PDE4D: variants seen among roughly 807,000 people sequenced by gnomAD.
PDE4D encodes 3',5'-cyclic-AMP phosphodiesterase 4D.
Under a neutral mutation model 87.4 loss-of-function variants are expected in PDE4D, and 24 were observed. That is an observed-to-expected ratio of 0.27 (90% CI 0.20 to 0.39). PDE4D has a LOEUF of 0.39. Among genes scored for constraint, PDE4D ranks in the 10% least tolerant of loss-of-function variants. The probability of loss-of-function intolerance (pLI) is 1.00; values close to 1 mark genes in which losing one functional copy is unlikely to be tolerated. For missense variants in PDE4D, 714 were observed against 1,041.0 expected (o/e 0.69, Z 4.32); for synonymous variants, 384 against 383.2 (o/e 1.00, Z -0.02).
intron 2 of PDE4D, among the ~76,000 whole-genome samples, chr5:60,073,967 A>T (rs1588265): frequency 3.3e-5 from 5 of 151,702 alleles, no homozygotes; most frequent in African/African-American, 1.2e-4. Context: ...TAATTTTTCA[A>T]AAACACAGCC....
At chr5:60,320,213 T>C (rs1449721342) in intron 1 of PDE4D, among the ~76,000 whole-genome samples, 1 of 152,214 alleles carries the variant, frequency 6.6e-6, no homozygotes, top group Non-Finnish European at 1.5e-5. Flanking sequence ...TGCTGCCGCC[T>C]TGCAGTTTGA....
chr5:60,287,374 G>C (rs993100390), intron 1 of PDE4D, among the ~76,000 whole-genome samples: 10 of 152,284 alleles, frequency 6.6e-5, no homozygotes, highest in African/African-American at 2.2e-4. Flanking sequence ...TGCTGTGTAG[G>C]AGAGGCGCCC....
Position 59,907,772 on chromosome 5 carries a change from G to A in PDE4D, c.272+80716C>T, listed in dbSNP as rs569092603. On this transcript the variant is annotated intron_variant, in intron 3 of 16. Coordinates refer to the PDE4D transcript ENST00000502484. ...CAGCCCTAGAGTGGACCAAGGAGAT[G>A]AGAGCTGGTCTGAATTCAAGGACCT... is the stretch of plus-strand genomic sequence containing the variant. Among the ~76,000 whole-genome samples, 17 of 152,298 alleles carry A rather than the reference G, an allele frequency of 1.1e-4. No homozygotes were observed. The East Asian group carries it at 2.9e-3, about 26-fold the overall frequency.
At chr5:59,008,027 TAC>T (rs1325755668) in intron 6 of PDE4D, among the ~76,000 whole-genome samples, 3 of 152,072 alleles carry the variant, frequency 2.0e-5, no homozygotes, top group African/African-American at 2.4e-5. Flanking sequence ...TAATTGTTGA[TAC>T]AGTTTGAATT....
chr5:60,410,395 C>T (rs551872474), intron 1 of PDE4D, among the ~76,000 whole-genome samples: 2 of 152,208 alleles, frequency 1.3e-5, no homozygotes, highest in Non-Finnish European at 2.9e-5. Flanking sequence ...AATCCTGGAA[C>T]ACAGAGATCT....
At chr5:59,497,883 C>T (rs188161491) in intron 1 of PDE4D, among the ~76,000 whole-genome samples, 1 of 151,982 alleles carries the variant, frequency 6.6e-6, no homozygotes, top group Admixed American at 6.5e-5. Context: ...TCAGACTATC[C>T]AAGGTCAACG....
intron 1 of PDE4D, among the ~76,000 whole-genome samples, chr5:60,193,548 T>C (rs1299297906): frequency 6.6e-6 from 1 of 150,720 alleles, no homozygotes; most frequent in African/African-American, 2.4e-5. Flanking sequence ...CGGGCGCCTG[T>C]AGTCCCAGCT....
chr5:59,940,361 G>A (rs1035438010), intron 3 of PDE4D, among the ~76,000 whole-genome samples: 1 of 152,138 alleles, frequency 6.6e-6, no homozygotes, highest in African/African-American at 2.4e-5. Flanking sequence ...TTAGGAGGGT[G>A]CTCCTAATTT....
chr5:59,759,555 C>T (rs10940647), intron 1 of PDE4D, among the ~76,000 whole-genome samples: 21,216 of 152,218 alleles, frequency 0.14, 1,952 homozygotes, highest in Middle Eastern at 0.29. Context: ...ACAAGCCAAT[C>T]GGCATGTTCT....
chr5:59,401,912 T>A (rs1366548420), intron 1 of PDE4D, among the ~76,000 whole-genome samples: 1 of 152,206 alleles, frequency 6.6e-6, no homozygotes, highest in Non-Finnish European at 1.5e-5. Context: ...GGAAAGCCCT[T>A]CTTTTGAACT....
intron 1 of PDE4D, among the ~76,000 whole-genome samples, chr5:59,714,567 C>T (rs976220271): frequency 6.6e-6 from 1 of 152,198 alleles, no homozygotes; most frequent in East Asian, 1.9e-4. Flanking sequence ...ACAGCCATCC[C>T]ATCTATTACA....
At chr5:59,062,322 G>A (rs60419833) in intron 5 of PDE4D, among the ~76,000 whole-genome samples, 6,834 of 152,078 alleles carry the variant, frequency 0.045, 523 homozygotes, top group African/African-American at 0.16. Flanking sequence ...TTGGCATATT[G>A]TGTATATTTG....
chr5:59,168,727 G>A (rs922093446), intron 5 of PDE4D, among the ~76,000 whole-genome samples: 2 of 152,178 alleles, frequency 1.3e-5, no homozygotes, highest in African/African-American at 2.4e-5. Flanking sequence ...GAAGAGAGAT[G>A]TCCCTAGGGA....
At chr5:59,330,825 TCTGTTTATGTTGCC>T (rs1304935464) in intron 1 of PDE4D, among the ~76,000 whole-genome samples, 2 of 152,178 alleles carry the variant, frequency 1.3e-5, no homozygotes, top group Non-Finnish European at 2.9e-5. Context: ...GTGGCACTTC[TCTGTTTATGTTGCC>T]ATGGCTTCCT....
In PDE4D at chr5:58,975,895, A is replaced by C. The variant is rs1018062445; in HGVS notation, c.1831-56T>G. ...TCCTGTTCCTTTTTTTTAAAAAAAA[A>C]AACAAAAAAAACTAGAAATTCACAT... On this transcript the variant is annotated intron_variant, in intron 13 of 14. Transcript: ENST00000340635. This position sits in a 1 kb window ranked among gnomAD's most constrained non-coding sequence, Gnocchi z 4.2. The C allele has an allele frequency of 7.9e-7, 1 of 1,263,280 alleles. No individual in the cohort carries two copies. Among genetic ancestry groups the C allele is most frequent in the Non-Finnish European group, 1.1e-6 (1 of 948,916 alleles). The allele number at this position is 1,263,280 out of a possible 1,614,324, so 78.3% of individuals were successfully genotyped here. A position where few individuals can be genotyped will look rare whatever the true frequency, so the allele number is the denominator to read the frequency against.
At chr5:59,289,580 C>T (rs900139791) in intron 1 of PDE4D, among the ~76,000 whole-genome samples, 1 of 151,962 alleles carries the variant, frequency 6.6e-6, no homozygotes, top group Non-Finnish European at 1.5e-5. Context: ...CAGCTGGTAT[C>T]ATACTGAATA....
chr5:59,562,780 A>G (rs1007442470), intron 1 of PDE4D, among the ~76,000 whole-genome samples: 1 of 152,178 alleles, frequency 6.6e-6, no homozygotes, highest in African/African-American at 2.4e-5. Flanking sequence ...AACAGTGGCC[A>G]AGAAAAGCAT....
At chr5:58,987,899 C>T (rs1746865243) in intron 11 of PDE4D, among the ~76,000 whole-genome samples, 1 of 152,150 alleles carries the variant, frequency 6.6e-6, no homozygotes, top group Non-Finnish European at 1.5e-5. Context: ...TTCTGTGCGG[C>T]AATGTCAGAG....
intron 1 of PDE4D, among the ~76,000 whole-genome samples, chr5:59,315,124 G>A (rs148918367): frequency 2.2e-4 from 33 of 152,006 alleles, no homozygotes; most frequent in East Asian, 1.7e-3. Context: ...TTTCCTTTTC[G>A]CCCAATAAAT....
Sources: gnomAD v4.1 joint callset for allele counts (sites outside exome capture counted in the v4.1 genomes callset) on GRCh38, gnomAD v4.1.1 for gene constraint, Gnocchi (gnomAD v3.1) non-coding constraint, MANE v1.5 for transcripts, NCBI Gene and HGNC (gene_info 2026-07-23, HGNC 2026-07-21) for gene names.